DLG2: variants seen among roughly 807,000 people sequenced by gnomAD.
DLG2 encodes the protein discs large MAGUK scaffold protein 2.
In DLG2, 45 loss-of-function variants were observed where a neutral mutation model predicts 132.5. The ratio of observed to expected loss-of-function variants is 0.34; its 90% CI spans 0.27 to 0.44. The LOEUF (loss-of-function observed/expected upper bound fraction) is 0.44. Among genes scored for constraint, DLG2 ranks in the 20% least tolerant of loss-of-function variants. The pLI is 1.00. For synonymous variants in DLG2, 424 were observed against 419.6 expected, an observed-to-expected ratio of 1.01 and a Z score of -0.13; for missense variants, 1,045 against 1,196.9, an observed-to-expected ratio of 0.87 and a Z score of 1.87.
chr11:85,056,734 C>A (rs755711557), intron 6 of DLG2, among the ~76,000 whole-genome samples: 2 of 151,902 alleles, frequency 1.3e-5, no homozygotes, highest in Non-Finnish European at 2.9e-5. Context: ...ATGACAGAGA[C>A]TGACTCTTAA....
At chr11:83,624,605 TC>T (rs768763441) in intron 19 of DLG2, among the ~76,000 whole-genome samples, 1 of 152,172 alleles carries the variant, frequency 6.6e-6, no homozygotes, top group Non-Finnish European at 1.5e-5. Context: ...TAAAAGGAAC[TC>T]CCCTTTGCCT....
chr11:85,237,420 A>G (rs1273657624), intron 4 of DLG2, among the ~76,000 whole-genome samples: 3 of 152,094 alleles, frequency 2.0e-5, no homozygotes, highest in Non-Finnish European at 2.9e-5. Flanking sequence ...TTATATTCAT[A>G]TAGGGTCTGT....
chr11:83,876,527 A>G (rs185668879), intron 15 of DLG2, among the ~76,000 whole-genome samples: 1 of 152,294 alleles, frequency 6.6e-6, no homozygotes, highest in African/African-American at 2.4e-5. Context: ...AAAATGAGAA[A>G]TTAAAAATAT....
intron 3 of DLG2, among the ~76,000 whole-genome samples, chr11:85,481,938 G>A (rs1204354427): frequency 2.0e-5 from 3 of 152,074 alleles, no homozygotes; most frequent in Non-Finnish European, 4.4e-5. Context: ...ATAGGATCCT[G>A]CAGCCCCAGG....
intron 8 of DLG2, among the ~76,000 whole-genome samples, chr11:84,174,293 T>A (rs1402147168): frequency 6.6e-6 from 1 of 152,088 alleles, no homozygotes; most frequent in Non-Finnish European, 1.5e-5. Flanking sequence ...TCAACATCAA[T>A]CTATTCTTCA....
chr11:85,603,787 C>T (rs1014803960), intron 2 of DLG2, among the ~76,000 whole-genome samples: 1 of 151,924 alleles, frequency 6.6e-6, no homozygotes, highest in Admixed American at 6.6e-5. Flanking sequence ...TGTGGTGGTG[C>T]ACGTCTGCAC....
At chr11:84,064,107 TATA>T (rs2096634070) in intron 10 of DLG2, among the ~76,000 whole-genome samples, 2 of 151,982 alleles carry the variant, frequency 1.3e-5, no homozygotes, top group South Asian at 2.1e-4. Context: ...GAACTTAAAG[TATA>T]ATAAGAATAT....
rs1256208848 is a variant in DLG2, at chr11:83,790,789, C to T, written c.1723-3997G>A. The T allele has an allele frequency of 9.2e-6, 7 of 757,622 alleles. No homozygotes were observed. In the East Asian group the frequency reaches 9.8e-5, roughly 11 times the overall value. 46.9% of individuals were successfully genotyped at this position (757,622 alleles called of 1,614,324 possible). On this transcript the variant is annotated intron_variant, in intron 17 of 27. Transcript: ENST00000376104. ...TTCTGGTCTGCCTGACTCTCATCTT[C>T]GGGGAAAGAGCGCCCTCCCACTTGA...
intron 18 of DLG2, among the ~76,000 whole-genome samples, chr11:83,752,054 G>A (rs1319119981): frequency 6.6e-6 from 1 of 152,176 alleles, no homozygotes; most frequent in African/African-American, 2.4e-5. Context: ...GGATCACGAG[G>A]TCAGGAGATC....
chr11:83,594,126 C>G (rs1348182163), intron 19 of DLG2, among the ~76,000 whole-genome samples: 1 of 152,188 alleles, frequency 6.6e-6, no homozygotes, highest in Non-Finnish European at 1.5e-5. Context: ...TTTCCTGGAC[C>G]CTTTAGGCAG....
intron 3 of DLG2, among the ~76,000 whole-genome samples, chr11:85,356,793 TAGA>T: frequency 6.9e-6 from 1 of 145,604 alleles, no homozygotes; most frequent in Non-Finnish European, 1.5e-5. Context: ...GATAGATAGA[TAGA>T]TAGATAGATA....
intron 18 of DLG2, among the ~76,000 whole-genome samples, chr11:83,716,309 G>A (rs900271331): frequency 1.3e-5 from 2 of 152,288 alleles, no homozygotes; most frequent in Admixed American, 1.3e-4. Context: ...GAGAATGGGA[G>A]GGAGCCAGCA....
intron 3 of DLG2, among the ~76,000 whole-genome samples, chr11:85,332,751 G>A (rs912009968): frequency 2.0e-5 from 3 of 152,072 alleles, no homozygotes; most frequent in Admixed American, 6.6e-5. Flanking sequence ...CCCTCTCAAA[G>A]ATCAGATGAC....
In DLG2 at chr11:84,177,437, CTG is replaced by C. The variant is rs1453347888; in HGVS notation, c.574-13928_574-13927del. ...TTTTTGCTCTGATTATATTATCAGG[CTG>C]TGTTAAGTATCAGCTCAGGCTTTGG... On this transcript the variant is annotated intron_variant, in intron 8 of 27. Transcript: ENST00000376104. Among the ~76,000 whole-genome samples the C allele has an allele frequency of 5.3e-5, 8 of 152,226 alleles. No homozygotes were observed. In the East Asian group the frequency reaches 1.5e-3, roughly 29 times the overall value.
At chr11:84,762,558 T>A (rs571017298) in intron 6 of DLG2, among the ~76,000 whole-genome samples, 1 of 152,322 alleles carries the variant, frequency 6.6e-6, no homozygotes, top group South Asian at 2.1e-4. Flanking sequence ...TTGCTTTGTT[T>A]CAAAATTTGA....
intron 6 of DLG2, among the ~76,000 whole-genome samples, chr11:84,754,622 G>A (rs1256472328): frequency 6.6e-6 from 1 of 152,114 alleles, no homozygotes; most frequent in African/African-American, 2.4e-5. Flanking sequence ...TCAGTGGTTG[G>A]TAGGGGTTGG....
At chr11:83,606,976 A>T (rs646014) in intron 19 of DLG2, among the ~76,000 whole-genome samples, 47,179 of 152,120 alleles carry the variant, frequency 0.31, 8,397 homozygotes, top group East Asian at 0.49. Flanking sequence ...TTAAATTTAA[A>T]GGAGTTTAAT....
intron 6 of DLG2, among the ~76,000 whole-genome samples, chr11:84,556,649 G>C (rs2099412522): frequency 6.6e-6 from 1 of 152,214 alleles, no homozygotes; most frequent in Non-Finnish European, 1.5e-5. Flanking sequence ...TGGACAAGCT[G>C]GGTTAGAGGG....
At chr11:83,588,012 A>T (rs1425910994) in intron 19 of DLG2, among the ~76,000 whole-genome samples, 1 of 152,020 alleles carries the variant, frequency 6.6e-6, no homozygotes, top group Non-Finnish European at 1.5e-5. Context: ...GTCGCCTAGC[A>T]CAGCAGTCTG....
Sources: gnomAD v4.1 joint callset for allele counts (sites outside exome capture counted in the v4.1 genomes callset) on GRCh38, gnomAD v4.1.1 for gene constraint, MANE v1.5 for transcripts, NCBI Gene and HGNC (gene_info 2026-07-23, HGNC 2026-07-21) for gene names.